The following PPM1E variants were observed in gnomAD, a reference collection of about 807,000 sequenced individuals.
PPM1E encodes the protein protein phosphatase 1E.
PPM1E carries 20 observed loss-of-function variants against 65.9 expected under a neutral mutation model. The ratio of observed to expected loss-of-function variants is 0.30; its 90% CI spans 0.21 to 0.44. PPM1E has a LOEUF of 0.44. PPM1E is among the 20% of genes least tolerant of loss of function. The pLI, the probability that PPM1E is intolerant of heterozygous loss-of-function variation, is 1.00. For missense variants in PPM1E, 713 were observed against 953.1 expected (o/e 0.75, Z 3.32); for synonymous variants, 352 against 374.9 (o/e 0.94, Z 0.70).
intron 1 of PPM1E, among the ~76,000 whole-genome samples, chr17:58,912,210 C>A (rs1438917326): frequency 6.6e-6 from 1 of 152,134 alleles, no homozygotes; most frequent in African/African-American, 2.4e-5. Context: ...CAGGGCACAA[C>A]AAGAGCGGGA....
At chr17:58,823,138 G>A (rs1239985348) in intron 1 of PPM1E, among the ~76,000 whole-genome samples, 2 of 152,084 alleles carry the variant, frequency 1.3e-5, no homozygotes, top group Non-Finnish European at 2.9e-5. Context: ...TATAGTGTAT[G>A]TAAGCACTTT....
intron 1 of PPM1E, among the ~76,000 whole-genome samples, chr17:58,775,665 A>G (rs2049986301): frequency 6.6e-6 from 1 of 151,916 alleles, no homozygotes; most frequent in Non-Finnish European, 1.5e-5. Flanking sequence ...CTGTAATCCC[A>G]GCACTTTGGG....
chr17:58,861,486 G>C (rs541793310), intron 1 of PPM1E, among the ~76,000 whole-genome samples: 1 of 152,272 alleles, frequency 6.6e-6, no homozygotes, highest in East Asian at 1.9e-4. Context: ...TCACTGGCTT[G>C]AGATGAAGTC....
chr17:58,814,524 A>G (rs189251196), intron 1 of PPM1E, among the ~76,000 whole-genome samples: 1 of 152,320 alleles, frequency 6.6e-6, no homozygotes, highest in African/African-American at 2.4e-5. Context: ...GACCTTGAGT[A>G]TTATTTGATA....
intron 1 of PPM1E, among the ~76,000 whole-genome samples, chr17:58,856,721 G>A (rs1248623920): frequency 6.6e-6 from 1 of 152,158 alleles, no homozygotes; most frequent in African/African-American, 2.4e-5. Context: ...TGAAGACAGA[G>A]GGAAAAGATA....
chr17:58,775,635 C>T (rs1046153248), intron 1 of PPM1E, among the ~76,000 whole-genome samples: 2 of 151,952 alleles, frequency 1.3e-5, no homozygotes, highest in African/African-American at 4.8e-5. Flanking sequence ...ATAGTTGGGG[C>T]CGGGCGCAGT....
intron 1 of PPM1E, among the ~76,000 whole-genome samples, chr17:58,776,722 T>C (rs1389180360): frequency 6.6e-6 from 1 of 152,234 alleles, no homozygotes; most frequent in Non-Finnish European, 1.5e-5. Flanking sequence ...TGGGCTATGT[T>C]TTAATATGTA....
chr17:58,891,031 C>T (rs996292957), intron 1 of PPM1E, among the ~76,000 whole-genome samples: 1 of 151,950 alleles, frequency 6.6e-6, no homozygotes, highest in East Asian at 1.9e-4. Context: ...AGTGCAATGG[C>T]GTAATCTCAG....
intron 1 of PPM1E, among the ~76,000 whole-genome samples, chr17:58,942,733 G>A (rs948813880): frequency 1.3e-5 from 2 of 151,980 alleles, no homozygotes; most frequent in Non-Finnish European, 2.9e-5. Context: ...TAGATGACAA[G>A]TTAGTGGGTG....
intron 1 of PPM1E, among the ~76,000 whole-genome samples, chr17:58,937,956 CTAAT>C (rs2052008904): frequency 6.6e-6 from 1 of 150,398 alleles, no homozygotes; most frequent in Non-Finnish European, 1.5e-5. Flanking sequence ...TCTTTCCTAA[CTAAT>C]GGATTCACTG....
At chr17:58,803,168 A>G (rs1391456988) in intron 1 of PPM1E, among the ~76,000 whole-genome samples, 1 of 152,178 alleles carries the variant, frequency 6.6e-6, no homozygotes, top group Non-Finnish European at 1.5e-5. Flanking sequence ...TTAAAGGAAA[A>G]GCTTTTAGCT....
chr17:58,771,359 C>T (rs538857643), intron 1 of PPM1E, among the ~76,000 whole-genome samples: 83 of 151,392 alleles, frequency 5.5e-4, no homozygotes, highest in African/African-American at 3.9e-4. Context: ...TGATTAAGGC[C>T]GGGCATGGTG....
At chr17:58,786,316 C>A (rs1453147301) in intron 1 of PPM1E, among the ~76,000 whole-genome samples, 3 of 152,008 alleles carry the variant, frequency 2.0e-5, no homozygotes, top group African/African-American at 2.4e-5. Flanking sequence ...GCCTGGCCAC[C>A]TTTTCACTTT....
intron 3 of PPM1E, among the ~76,000 whole-genome samples, chr17:58,968,917 T>A (rs970880949): frequency 6.6e-6 from 1 of 152,026 alleles, no homozygotes; most frequent in Non-Finnish European, 1.5e-5. Context: ...GAGCATCTGA[T>A]GTGGTTCAAG....
intron 1 of PPM1E, among the ~76,000 whole-genome samples, chr17:58,860,309 C>T (rs2050926010): frequency 1.3e-5 from 2 of 152,316 alleles, no homozygotes; most frequent in East Asian, 1.9e-4. Context: ...TGGTGTCACA[C>T]AGCCAATATA....
chr17:58,858,822 T>A (rs2050910206), intron 1 of PPM1E, among the ~76,000 whole-genome samples: 1 of 152,254 alleles, frequency 6.6e-6, no homozygotes, highest in African/African-American at 2.4e-5. Flanking sequence ...CATACTGATT[T>A]CCTTTCCTTT....
At chr17:58,939,470 G>A (rs1406619968) in intron 1 of PPM1E, among the ~76,000 whole-genome samples, 1 of 152,156 alleles carries the variant, frequency 6.6e-6, no homozygotes, top group East Asian at 1.9e-4. Context: ...TGTTTACAAA[G>A]CTCAATTTAT....
At chr17:58,955,264 C>T (rs1160633106) in intron 1 of PPM1E, among the ~76,000 whole-genome samples, 1 of 152,140 alleles carries the variant, frequency 6.6e-6, no homozygotes, top group Non-Finnish European at 1.5e-5. Flanking sequence ...GCTTGAAAGG[C>T]TGAGGCAGGA....
chr17:58,838,707 C>T (rs1250851880), intron 1 of PPM1E, among the ~76,000 whole-genome samples: 1 of 152,166 alleles, frequency 6.6e-6, no homozygotes, highest in Admixed American at 6.6e-5. Flanking sequence ...AAACTTACGT[C>T]CACACAGAAA....
Sources: allele counts gnomAD v4.1 joint callset (sites outside exome capture counted in the v4.1 genomes callset), GRCh38; gene constraint gnomAD v4.1.1; transcripts MANE v1.5; gene names NCBI Gene and HGNC (gene_info 2026-07-23, HGNC 2026-07-21).